The following LCMT1 variants were observed in gnomAD, a reference collection of about 807,000 sequenced individuals.
The protein encoded by LCMT1 is leucine carboxyl methyltransferase 1.
Under a neutral mutation model 47.7 loss-of-function variants are expected in LCMT1, and 32 were observed. That is an observed-to-expected ratio of 0.67 (90% CI 0.51 to 0.90). The LOEUF (loss-of-function observed/expected upper bound fraction) is 0.90. LCMT1 is among the 40% of genes least tolerant of loss of function. LCMT1 has a pLI of 0.00. For missense variants in LCMT1, 375 were observed against 415.2 expected (o/e 0.90, Z 0.84); for synonymous variants, 152 against 149.7 (o/e 1.02, Z -0.11).
Position 25,178,038 on chromosome 16 carries a change from A to G in LCMT1, c.*15A>G. 3.1e-6 allele frequency: 5 copies of G among 1,613,086 alleles called. No homozygotes were observed. Among genetic ancestry groups the G allele is most frequent in the Non-Finnish European group, 4.2e-6 (5 of 1,179,510 alleles). ...TAACTTATTAATCTGTCGAAGGCTT[A>G]TGCCGAGCCAGAAGCCGAAGCCACT... On this transcript the variant is annotated 3_prime_UTR_variant, in exon 11 of 11. Coordinates refer to ENST00000399069, the MANE Select transcript of LCMT1 (RefSeq NM_016309.3).
chr16:25,133,152 C>T (rs898092057), intron 3 of LCMT1, among the ~76,000 whole-genome samples: 5 of 151,980 alleles, frequency 3.3e-5, no homozygotes, highest in African/African-American at 7.2e-5. Flanking sequence ...TTAGCCACTG[C>T]GCCCAGCCTA....
At chr16:25,169,249 C>A in intron 8 of LCMT1, 36 bp downstream of exon 8, 1 of 1,332,502 alleles carries the variant, frequency 7.5e-7, no homozygotes, top group East Asian at 2.3e-5. Context: ...CATTTGGACC[C>A]TTAGTCAACC....
At chr16:25,126,663 T>C (rs59030096) in intron 1 of LCMT1, among the ~76,000 whole-genome samples, 1 of 152,198 alleles carries the variant, frequency 6.6e-6, no homozygotes, top group African/African-American at 2.4e-5. Context: ...GTAAAGAATC[T>C]GGAGGTGAGA....
At chr16:25,131,330 C>G (rs900243573) in intron 2 of LCMT1, among the ~76,000 whole-genome samples, 85 of 152,278 alleles carry the variant, frequency 5.6e-4, no homozygotes, top group Admixed American at 5.4e-3. Context: ...TGGCGGCACC[C>G]CTCTCTTCTA....
intron 4 of LCMT1, among the ~76,000 whole-genome samples, chr16:25,149,365 GTTCC>G (rs1481660208): frequency 2.0e-5 from 3 of 152,244 alleles, no homozygotes; most frequent in African/African-American, 4.8e-5. Context: ...GTTGTTCAGT[GTTCC>G]TTCCTGGGAT....
At chr16:25,117,678 C>T (rs919094098) in intron 1 of LCMT1, among the ~76,000 whole-genome samples, 2 of 152,044 alleles carry the variant, frequency 1.3e-5, no homozygotes, top group African/African-American at 4.8e-5. Context: ...CATGGTGAAA[C>T]CCCATCTCTA....
At chr16:25,135,878 C>G (rs1284111926) in intron 3 of LCMT1, among the ~76,000 whole-genome samples, 1 of 151,930 alleles carries the variant, frequency 6.6e-6, no homozygotes, top group Non-Finnish European at 1.5e-5. Context: ...ATTGCTTGAG[C>G]TCAGGAGTTT....
intron 9 of LCMT1, among the ~76,000 whole-genome samples, chr16:25,173,206 T>C (rs1764151861): frequency 6.6e-6 from 1 of 152,240 alleles, no homozygotes; most frequent in Admixed American, 6.5e-5. Context: ...GCACCAGAGA[T>C]ACAGCAATGA....
chr16:25,149,910 C>CA (rs34229848), intron 4 of LCMT1, among the ~76,000 whole-genome samples: 18,229 of 59,452 alleles, frequency 0.31, 2,375 homozygotes, highest in East Asian at 0.4. Context: ...AAGACTGTCT[C>CA]AAAAAAAAAA....
intron 5 of LCMT1, among the ~76,000 whole-genome samples, chr16:25,154,643 C>T (rs538304950): frequency 2.0e-5 from 3 of 151,806 alleles, no homozygotes; most frequent in Non-Finnish European, 2.9e-5. Context: ...CCCGCCACCA[C>T]GCCCGGCTAA....
chr16:25,139,646 C>T (rs1452658491), intron 3 of LCMT1, among the ~76,000 whole-genome samples: 1 of 152,180 alleles, frequency 6.6e-6, no homozygotes, highest in Non-Finnish European at 1.5e-5. Context: ...GATTTCCTGA[C>T]CCTCCTAATG....
At chr16:25,143,467 G>A (rs1204951879) in intron 4 of LCMT1, 2 of 152,214 alleles carry the variant, frequency 1.3e-5, no homozygotes, top group Admixed American at 6.5e-5. Context: ...ACTCTGAGGG[G>A]ACTTGGGGAG....
intron 5 of LCMT1, among the ~76,000 whole-genome samples, chr16:25,154,005 AT>A (rs1246180577): frequency 1.3e-5 from 2 of 151,746 alleles, no homozygotes; most frequent in Non-Finnish European, 2.9e-5. Flanking sequence ...ATGCCCTATT[AT>A]TTTTATTTTA....
chr16:25,149,910 CAAAAAA>C (rs34229848), intron 4 of LCMT1, among the ~76,000 whole-genome samples: 31 of 60,198 alleles, frequency 5.1e-4, no homozygotes, highest in African/African-American at 1.6e-3. Context: ...AAGACTGTCT[CAAAAAA>C]AAAAAAAAAA....
At position 25,174,867 on chromosome 16, in the gene LCMT1, G is replaced by A. The variant is rs531921113; in HGVS notation, c.885-70G>A. ...CTATCATAAACATTTTTTCATATCC[G>A]TAGCTATGGGCCATGATCTTCATTT... is the stretch of plus-strand genomic sequence containing the variant. On this transcript the variant is annotated intron_variant, in intron 9 of 10. Transcript: ENST00000399069. 3.1e-4 allele frequency: 212 copies of A among 683,494 alleles called. 1 individual carries two copies. The highest frequency in any genetic ancestry group is 4.5e-4 in the Non-Finnish European group (191 of 423,798). 42.3% of individuals were successfully genotyped at this position (683,494 alleles called of 1,614,324 possible). A position where few individuals can be genotyped will look rare whatever the true frequency, so the allele number is the denominator to read the frequency against.
intron 5 of LCMT1, among the ~76,000 whole-genome samples, chr16:25,156,100 G>C (rs1961249688): frequency 6.6e-6 from 1 of 152,040 alleles, no homozygotes; most frequent in South Asian, 2.1e-4. Context: ...CTCTTTGCTT[G>C]ATGGGCTCCT....
chr16:25,174,047 G>T (rs1199507945), intron 9 of LCMT1, among the ~76,000 whole-genome samples: 1 of 152,112 alleles, frequency 6.6e-6, no homozygotes, highest in East Asian at 1.9e-4. Flanking sequence ...AAATAGCTGT[G>T]ACTACAGGTG....
At position 25,142,475 on chromosome 16, in the gene LCMT1, T is replaced by C. The variant is rs565384070; in HGVS notation, c.404+2228T>C. The C allele has an allele frequency of 3.3e-5, 5 of 152,272 alleles. No homozygotes were observed. The East Asian group carries it at 9.7e-4, about 29-fold the overall frequency. 9.4% of individuals were successfully genotyped at this position (152,272 alleles called of 1,614,324 possible). On this transcript the variant is annotated intron_variant, in intron 4 of 10. Coordinates refer to ENST00000399069, the MANE Select transcript of LCMT1 (RefSeq NM_016309.3). ...TTCCATACCTCTTTTGTGAAGTTGG[T>C]AGTTGAGCTTTTAGGGAGTGCAAGA...
intron 6 of LCMT1, 24 bp from the exon 7 acceptor site, chr16:25,164,574 T>C (rs1307823635): frequency 1.9e-6 from 3 of 1,613,850 alleles, no homozygotes; most frequent in Non-Finnish European, 2.5e-6. Context: ...CAAATTTATG[T>C]GCCTTTTTTT....
Sources: gnomAD v4.1 joint callset for allele counts (sites outside exome capture counted in the v4.1 genomes callset) on GRCh38, gnomAD v4.1.1 for gene constraint, MANE v1.5 for transcripts, NCBI Gene and HGNC (gene_info 2026-07-23, HGNC 2026-07-21) for gene names.